The following KLHL1 variants were observed in gnomAD, a reference collection of about 807,000 sequenced individuals.
KLHL1 encodes the protein kelch-like protein 1.
In KLHL1, 47 loss-of-function variants were observed where a neutral mutation model predicts 77.7. The ratio of observed to expected loss-of-function variants is 0.60; its 90% CI spans 0.48 to 0.77. The LOEUF is 0.77. Ranked by LOEUF, KLHL1 falls within the 30% of genes least tolerant of loss-of-function variation. KLHL1 has a pLI of 0.00. For synonymous variants in KLHL1, 360 were observed against 325.2 expected, an observed-to-expected ratio of 1.11 and a Z score of -1.15; for missense variants, 925 against 910.8, an observed-to-expected ratio of 1.02 and a Z score of -0.20.
rs35894102 is a variant in KLHL1 at position 70,006,502 on chromosome 13, GT to G, written c.498-30701del. Among the ~76,000 whole-genome samples the G allele has an allele frequency of 2.2e-3, 311 of 139,036 alleles. 1 individual carries two copies. In the East Asian group the frequency reaches 0.033, roughly 15 times the overall value. 91.2% of individuals were successfully genotyped at this position (139,036 alleles called of 152,430 possible). ...TACATTCGAAAGTATTCCCCCTCAA[GT>G]TTTTTTTTTTTTTTCAAAGAGTTTG... On this transcript the variant is annotated intron_variant, in intron 1 of 10. Transcript: ENST00000377844.
chr13:69,805,477 A>C (rs1336775320), intron 6 of KLHL1, among the ~76,000 whole-genome samples: 1 of 151,906 alleles, frequency 6.6e-6, no homozygotes, highest in Non-Finnish European at 1.5e-5. Context: ...AATAACTAAA[A>C]ATTTTTACCT....
intron 7 of KLHL1, among the ~76,000 whole-genome samples, chr13:69,744,230 G>C (rs1365066111): frequency 6.6e-6 from 1 of 152,092 alleles, no homozygotes; most frequent in Non-Finnish European, 1.5e-5. Flanking sequence ...TGGCCAGATA[G>C]GTGAGAGAAA....
chr13:69,793,519 A>G (rs1386903309), intron 7 of KLHL1, among the ~76,000 whole-genome samples: 2 of 151,960 alleles, frequency 1.3e-5, no homozygotes, highest in East Asian at 3.9e-4. Context: ...ACATAAATCA[A>G]AGGGAAAAAA....
chr13:69,820,304 C>T (rs960717196), intron 6 of KLHL1, among the ~76,000 whole-genome samples: 1 of 152,152 alleles, frequency 6.6e-6, no homozygotes, highest in African/African-American at 2.4e-5. Flanking sequence ...ATAACGTATT[C>T]ACTGTGAGTA....
chr13:69,874,848 T>C (rs1483028061), intron 5 of KLHL1, among the ~76,000 whole-genome samples: 2 of 152,164 alleles, frequency 1.3e-5, no homozygotes, highest in Non-Finnish European at 1.5e-5. Flanking sequence ...GGGTAAATGA[T>C]GTAGGGCTTT....
At chr13:70,096,646 G>T (rs376292418) in intron 1 of KLHL1, among the ~76,000 whole-genome samples, 5 of 148,572 alleles carry the variant, frequency 3.4e-5, no homozygotes, top group African/African-American at 4.9e-5. Context: ...AAAGTTAGCT[G>T]TTTTTTTTTT....
At chr13:69,788,883 G>A in intron 7 of KLHL1, among the ~76,000 whole-genome samples, 1 of 152,050 alleles carries the variant, frequency 6.6e-6, no homozygotes, top group East Asian at 1.9e-4. Flanking sequence ...TGATTTATTA[G>A]TTATAAACTC....
Position 69,715,795 on chromosome 13 carries a change from G to A in KLHL1, c.2015+3574C>T, listed in dbSNP as rs184660028. On this transcript the variant is annotated intron_variant, in intron 9 of 10. Coordinates refer to ENST00000377844, the MANE Select transcript of KLHL1 (RefSeq NM_020866.3). ...CAGCTGACTCCAGCAATAATATATC[G>A]AATGAGAAAAGGTTTGGGGGAGGAA... Among the ~76,000 whole-genome samples the A allele has an allele frequency of 1.3e-3, 197 of 152,016 alleles. 2 individuals are homozygous for A. Among genetic ancestry groups the A allele is most frequent in the African/African-American group, 4.4e-3 (184 of 41,482 alleles).
chr13:69,824,134 T>G (rs1878452442), intron 6 of KLHL1, among the ~76,000 whole-genome samples: 1 of 151,968 alleles, frequency 6.6e-6, no homozygotes, highest in South Asian at 2.1e-4. Flanking sequence ...AGTGCTAACA[T>G]AAAATTTTTC....
intron 4 of KLHL1, among the ~76,000 whole-genome samples, chr13:69,919,079 C>CT (rs1180051897): frequency 6.6e-6 from 1 of 151,954 alleles, no homozygotes; most frequent in Non-Finnish European, 1.5e-5. Context: ...TCTACCTTGT[C>CT]TAACACCATA....
intron 4 of KLHL1, among the ~76,000 whole-genome samples, chr13:69,914,595 T>G (rs1396756897): frequency 6.6e-6 from 1 of 152,206 alleles, no homozygotes; most frequent in Non-Finnish European, 1.5e-5. Context: ...AAAAATGTTA[T>G]TTTGCCAGAT....
At chr13:70,021,966 T>C (rs1459356170) in intron 1 of KLHL1, among the ~76,000 whole-genome samples, 1 of 152,050 alleles carries the variant, frequency 6.6e-6, no homozygotes, top group African/African-American at 2.4e-5. Flanking sequence ...CCTTCTCTGT[T>C]GCAGAGCAGA....
Position 70,094,003 on chromosome 13 carries a change from C to T in KLHL1, c.497+13200G>A, listed in dbSNP as rs563199389. On this transcript the variant is annotated intron_variant, in intron 1 of 10. Coordinates refer to ENST00000377844, the MANE Select transcript of KLHL1 (RefSeq NM_020866.3). ...TTATATATTTACTAAGAGTAGTATA[C>T]GGTAAAGGGCTATGTTTAATTTAAC... Among the ~76,000 whole-genome samples the T allele has an allele frequency of 6.6e-5, 10 of 152,066 alleles. No homozygotes were observed. The South Asian group carries it at 1.0e-3, about 16-fold the overall frequency.
intron 1 of KLHL1, among the ~76,000 whole-genome samples, chr13:69,995,979 T>A (rs969077045): frequency 2.0e-5 from 3 of 152,110 alleles, no homozygotes; most frequent in African/African-American, 7.2e-5. Flanking sequence ...ACTGCATTCA[T>A]AAGCACTTTT....
intron 6 of KLHL1, among the ~76,000 whole-genome samples, chr13:69,798,864 C>T (rs560613269): frequency 6.6e-6 from 1 of 152,122 alleles, no homozygotes; most frequent in East Asian, 1.9e-4. Flanking sequence ...GGTCAGGAGA[C>T]TGAGACCAGC....
intron 4 of KLHL1, among the ~76,000 whole-genome samples, chr13:69,936,875 C>A (rs934107766): frequency 6.6e-6 from 1 of 152,104 alleles, no homozygotes; most frequent in Non-Finnish European, 1.5e-5. Flanking sequence ...ATGGTGTCAG[C>A]CTGCAACAGT....
At chr13:69,867,099 T>C (rs1038420077) in intron 5 of KLHL1, among the ~76,000 whole-genome samples, 3 of 152,126 alleles carry the variant, frequency 2.0e-5, no homozygotes, top group Non-Finnish European at 4.4e-5. Context: ...ACAGTAGGAA[T>C]GGATAGCCTC....
intron 4 of KLHL1, among the ~76,000 whole-genome samples, chr13:69,907,140 G>A (rs138473010): frequency 6.6e-6 from 1 of 152,086 alleles, no homozygotes; most frequent in Non-Finnish European, 1.5e-5. Flanking sequence ...TGATAGGTTG[G>A]TAACATAGGT....
At chr13:69,967,152 G>C (rs904397268) in intron 2 of KLHL1, among the ~76,000 whole-genome samples, 5 of 152,118 alleles carry the variant, frequency 3.3e-5, no homozygotes, top group African/African-American at 1.2e-4. Flanking sequence ...CTGAATGGTA[G>C]TTTTATTTTT....
Sources: gnomAD v4.1 joint callset for allele counts (sites outside exome capture counted in the v4.1 genomes callset) on GRCh38, gnomAD v4.1.1 for gene constraint, MANE v1.5 for transcripts, NCBI Gene and HGNC (gene_info 2026-07-23, HGNC 2026-07-21) for gene names.